The following MAST3 variants were observed in gnomAD, a reference collection of about 807,000 sequenced individuals.
The protein encoded by MAST3 is microtubule-associated serine/threonine-protein kinase 3.
Under a neutral mutation model 127.0 loss-of-function variants are expected in MAST3, and 43 were observed. The observed-to-expected ratio is 0.34, with a 90% CI of 0.27 to 0.44. The LOEUF is 0.44. Ranked by LOEUF, MAST3 falls within the 20% of genes least tolerant of loss-of-function variation. The probability of loss-of-function intolerance (pLI) is 1.00; values close to 1 mark genes in which losing one functional copy is unlikely to be tolerated. For missense variants in MAST3, 1,390 were observed against 1,919.1 expected (o/e 0.72, Z 5.15); for synonymous variants, 785 against 809.2 (o/e 0.97, Z 0.51).
intron 3 of MAST3, among the ~76,000 whole-genome samples, chr19:18,121,219 C>T (rs990590690): frequency 3.3e-5 from 5 of 151,990 alleles, no homozygotes; most frequent in African/African-American, 1.2e-4. Context: ...GCTGTGGCAC[C>T]ATCATGGCTC....
intron 18 of MAST3, among the ~76,000 whole-genome samples, chr19:18,136,448 C>T (rs1254155834): frequency 6.6e-6 from 1 of 152,198 alleles, no homozygotes; most frequent in Non-Finnish European, 1.5e-5. Context: ...TTAGATCTCA[C>T]TCTGTCACTC....
intron 3 of MAST3, among the ~76,000 whole-genome samples, chr19:18,114,754 A>G (rs2039028706): frequency 6.6e-6 from 1 of 152,142 alleles, no homozygotes; most frequent in Admixed American, 6.6e-5. Flanking sequence ...TTGGGCGCTC[A>G]TAGGCAAAGT....
intron 26 of MAST3, 104 bp from the exon 27 acceptor site, chr19:18,147,339 A>G (rs2043135111): frequency 9.8e-7 from 1 of 1,023,602 alleles, no homozygotes; most frequent in Non-Finnish European, 1.5e-6. Flanking sequence ...CTGACCTTAA[A>G]TGATCCATCT....
At chr19:18,142,941 T>C (rs2042661191) in intron 21 of MAST3, among the ~76,000 whole-genome samples, 1 of 151,658 alleles carries the variant, frequency 6.6e-6, no homozygotes, top group Non-Finnish European at 1.5e-5. Context: ...CAAAACCCCA[T>C]CTCTACTAAA....
At chr19:18,106,966 ATTTTTTTTTTT>A (rs60298417) in intron 1 of MAST3, among the ~76,000 whole-genome samples, 7 of 73,920 alleles carry the variant, frequency 9.5e-5, no homozygotes, top group African/African-American at 1.9e-4. Context: ...ATGCCCAGCA[ATTTTTTTTTTT>A]TTTTTTTTTT....
At chr19:18,125,290 A>C (rs930545613) in intron 11 of MAST3, among the ~76,000 whole-genome samples, 2 of 152,202 alleles carry the variant, frequency 1.3e-5, no homozygotes, top group Non-Finnish European at 2.9e-5. Context: ...ATGCCACGTT[A>C]AGATGGTCAG....
In MAST3 at chr19:18,128,439, C is replaced by T. The variant is rs1240858611; in HGVS notation, c.1118C>T (p.Pro373Leu). The T allele has an allele frequency of 6.4e-7, 1 of 1,556,964 alleles. No individual in the cohort carries two copies. The highest frequency in any genetic ancestry group is 1.2e-5 in the South Asian group (1 of 84,382). The change falls in exon 12 of 28, where the codon CCA becomes CTA. Residue 373 changes from proline to leucine, a missense_variant. Coordinates refer to ENST00000687212, the MANE Select transcript of MAST3 (RefSeq NM_001393504.1). ...AGTCACCTCGAAGAAGAACAGCCCC[C>T]AGCACCTGAGTCCCCAGAGGTGAGT... ...PLSHLEEEQP[P>L]APESPESRAL... is the part of the protein sequence containing the mutation.
At chr19:18,099,167 C>T (rs1355145847) in intron 1 of MAST3, among the ~76,000 whole-genome samples, 1 of 151,780 alleles carries the variant, frequency 6.6e-6, no homozygotes, top group Non-Finnish European at 1.5e-5. Context: ...GCACCGGTAG[C>T]TGCGGGACTG....
At position 18,121,887 on chromosome 19, in the gene MAST3, G is replaced by T; in HGVS notation, c.285G>T (p.Ser95=). The change falls in exon 5 of 28, where the codon TCG becomes TCT. Residue 95 remains serine, a synonymous_variant. Coordinates refer to ENST00000687212, the MANE Select transcript of MAST3 (RefSeq NM_001393504.1). ...CCTTGGATAGTCCTCGGAATTTCTC[G>T]GCTGCCTCTGCCCTAAATTTCCCCT... ...SSPLDSPRNF[S]AASALNFPFA... The T allele has an allele frequency of 5.0e-6, 8 of 1,614,002 alleles. No individual in the cohort carries two copies. Among genetic ancestry groups the T allele is most frequent in the African/African-American group, 1.3e-5 (1 of 75,038 alleles).
In MAST3 at chr19:18,123,608, A is replaced by G; in HGVS notation, c.586A>G (p.Asn196Asp). Residue 196 changes from asparagine (N) to aspartate (D), a missense_variant, in exon 8 of 28, where the codon AAT (asparagine) becomes GAT (aspartate). Around this residue, in one of 5 missense-constraint regions of MAST3, gnomAD observed 277 missense variants for 384.8 expected, o/e 0.72. Transcript: ENST00000687212. The part of the protein sequence containing the change: ...SPGRATGTFD[N>D]EIVMMNHVYR... ...GGGCCGTGCAACGGGGACCTTCGAC[A>G]ATGAGATTGTCATGATGAATCACGT... The G allele has an allele frequency of 1.3e-6, 2 of 1,594,108 alleles. No homozygotes were observed. Among genetic ancestry groups the G allele is most frequent in the Non-Finnish European group, 8.5e-7 (1 of 1,170,662 alleles).
Position 18,128,971 on chromosome 19 carries a change from A to C in MAST3, c.1223+20A>C. ...CTATGGGTGAGTCCCTGAGTCCTGC[A>C]TAGACCCATTTCACAGATGCCTGAG... On this transcript the variant is annotated intron_variant, in intron 13 of 27. Coordinates refer to ENST00000687212, the MANE Select transcript of MAST3 (RefSeq NM_001393504.1). 1 of 1,607,586 alleles carries C rather than the reference A, an allele frequency of 6.2e-7. No individual in the cohort carries two copies. The highest frequency in any genetic ancestry group is 8.5e-7 in the Non-Finnish European group (1 of 1,174,186).
rs1422190489 is a variant in MAST3, at chr19:18,141,266, T to C, written c.2206-616T>C. ...CCCTGAGCCTCAGTTTTTCCATCTGTACAATGGGCTAAAGTCTATGCTCTT... is the reference window on the plus strand; with the variant it reads ...CCCTGAGCCTCAGTTTTTCCATCTGCACAATGGGCTAAAGTCTATGCTCTT... On this transcript the variant is annotated intron_variant, in intron 20 of 27. Coordinates refer to ENST00000687212, the MANE Select transcript of MAST3 (RefSeq NM_001393504.1). Among the ~76,000 whole-genome samples the C allele has an allele frequency of 2.0e-5, 3 of 152,054 alleles. No homozygotes were observed. The East Asian group carries it at 5.8e-4, about 29-fold the overall frequency.
intron 14 of MAST3, among the ~76,000 whole-genome samples, chr19:18,131,160 A>C (rs2041233143): frequency 6.6e-6 from 1 of 152,218 alleles, no homozygotes. Flanking sequence ...TCACGCCTGT[A>C]GTCCCAGCAC....
intron 3 of MAST3, chr19:18,117,950 G>T (rs1182007388): frequency 4.8e-6 from 1 of 206,472 alleles, no homozygotes; most frequent in Non-Finnish European, 8.4e-6. Context: ...TCCGCCTCCC[G>T]ACAGGCCCCG....
intron 6 of MAST3, 79 bp from the exon 7 acceptor site, chr19:18,123,138 C>G: frequency 1.3e-6 from 2 of 1,491,752 alleles, no homozygotes; most frequent in Non-Finnish European, 1.9e-6. Flanking sequence ...GCAGCCTGGG[C>G]CTTGAGGGGT....
At chr19:18,124,956 A>G (rs10413929) in intron 11 of MAST3, among the ~76,000 whole-genome samples, 182 bp downstream of exon 11, 8,549 of 148,946 alleles carry the variant, frequency 0.057, 757 homozygotes, top group African/African-American at 0.2. Context: ...AAAATACAAA[A>G]ATTAGCTAAG....
chr19:18,097,839 C>T lies in MAST3; in HGVS notation c.39+8C>T, dbSNP rs983319923. The T allele has an allele frequency of 1.6e-6, 2 of 1,228,610 alleles. No homozygotes were observed. Among genetic ancestry groups the T allele is most frequent in the Non-Finnish European group, 1.0e-6 (1 of 986,010 alleles). 76.1% of individuals were successfully genotyped at this position (1,228,610 alleles called of 1,614,324 possible). A position where few individuals can be genotyped will look rare whatever the true frequency, so the allele number is the denominator to read the frequency against. ...CGGCGCCGCGGGCTCCAGGTGAGGC[C>T]CCTGCGCGGGCGGGCGGAAGGCAGA... On this transcript the variant is annotated splice_region_variant and intron_variant, in intron 1 of 27. Coordinates refer to ENST00000687212, the MANE Select transcript of MAST3 (RefSeq NM_001393504.1).
Position 18,111,867 on chromosome 19 carries a change from G to A in MAST3, c.161+1126G>A, listed in dbSNP as rs75707265. On this transcript the variant is annotated intron_variant, in intron 3 of 27. Transcript: ENST00000687212. The stretch of plus-strand genomic sequence containing the variant: ...AGAGAACAATATAGAGCCCACATTT[G>A]GGTGCTGGGCAACAGGGAGGTACCT... Among the ~76,000 whole-genome samples the A allele has an allele frequency of 1.7e-3, 253 of 152,248 alleles. 1 individual carries two copies. The highest frequency in any genetic ancestry group is 5.1e-3 in the African/African-American group (211 of 41,524).
intron 3 of MAST3, among the ~76,000 whole-genome samples, chr19:18,116,090 C>CTTTTTTTTTTTTTTTTTTTTTGTTTTTT (rs2039200480): frequency 1.2e-5 from 1 of 86,374 alleles, no homozygotes; most frequent in African/African-American, 5.4e-5. Context: ...TTGAAATTAT[C>CTTTTTTTTTTTTTTTTTTTTTGTTTTTT]TTTTTTTTTT....
Sources: gnomAD v4.1 joint callset for allele counts (sites outside exome capture counted in the v4.1 genomes callset) on GRCh38, gnomAD v4.1.1 for gene constraint, gnomAD v4.1.1 regional missense constraint, MANE v1.5 for transcripts, NCBI Gene and HGNC (gene_info 2026-07-23, HGNC 2026-07-21) for gene names.